ADAMTS18: variants seen among roughly 807,000 people sequenced by gnomAD.
The protein encoded by ADAMTS18 is ADAM metallopeptidase with thrombospondin type 1 motif 18, also known as A disintegrin and metalloproteinase with thrombospondin motifs 18.
Under a neutral mutation model 165.9 loss-of-function variants are expected in ADAMTS18, and 157 were observed. That is an observed-to-expected ratio of 0.95 (90% CI 0.83 to 1.08). The LOEUF (loss-of-function observed/expected upper bound fraction) is 1.08. Ranked by LOEUF, ADAMTS18 falls within the 50% of genes least tolerant of loss-of-function variation. The pLI is 0.00. For synonymous variants in ADAMTS18, 782 were observed against 578.2 expected, an observed-to-expected ratio of 1.35 and a Z score of -5.06; for missense variants, 2,040 against 1,534.0, an observed-to-expected ratio of 1.33 and a Z score of -5.51.
intron 16 of ADAMTS18, among the ~76,000 whole-genome samples, chr16:77,305,810 A>G (rs1451637593): frequency 1.3e-5 from 2 of 152,208 alleles, no homozygotes; most frequent in Non-Finnish European, 2.9e-5. Context: ...AACCCTGGAG[A>G]GGTGTGCATA....
intron 22 of ADAMTS18, among the ~76,000 whole-genome samples, chr16:77,285,647 C>T (rs1223966455): frequency 6.6e-6 from 1 of 152,208 alleles, no homozygotes; most frequent in Admixed American, 6.5e-5. Flanking sequence ...AGATGTATTA[C>T]TATTCTGTCA....
intron 3 of ADAMTS18, among the ~76,000 whole-genome samples, chr16:77,407,176 A>T (rs1301281435): frequency 6.6e-6 from 1 of 152,114 alleles, no homozygotes; most frequent in African/African-American, 2.4e-5. Flanking sequence ...TATATACAAA[A>T]ATCAACTTTA....
At chr16:77,300,048 T>G (rs2055551034) in intron 17 of ADAMTS18, 1 of 541,856 alleles carries the variant, frequency 1.8e-6, no homozygotes, top group Non-Finnish European at 3.3e-6. Flanking sequence ...TTTTGAGCCT[T>G]GGTTGTGGTT....
chr16:77,400,485 GTTTTT>G (rs71137813), intron 3 of ADAMTS18, among the ~76,000 whole-genome samples: 5 of 114,666 alleles, frequency 4.4e-5, no homozygotes, highest in African/African-American at 1.6e-4. Flanking sequence ...TGTGTGTTTT[GTTTTT>G]TTTTTTTTTG....
Position 77,300,355 on chromosome 16 carries a change from G to C in ADAMTS18, c.2582C>G (p.Pro861Arg). The C allele has an allele frequency of 6.2e-7, 1 of 1,613,988 alleles. No individual in the cohort carries two copies. The highest frequency in any genetic ancestry group is 8.5e-7 in the Non-Finnish European group (1 of 1,179,960). ...TGGTGGAGTTCCATTCATGACCTTG[G>C]GAAGTGCATACTTCCAAGCTATCCC... ...NPGIAWKYAL[P>R]KVMNGTPPAT... The change falls in exon 17 of 23, where the codon CCC (proline) becomes CGC (arginine). Residue 861 changes from proline (P) to arginine (R), a missense_variant. Coordinates refer to ENST00000282849, the MANE Select transcript of ADAMTS18 (RefSeq NM_199355.4).
At chr16:77,388,173 C>G in intron 3 of ADAMTS18, among the ~76,000 whole-genome samples, 1 of 152,202 alleles carries the variant, frequency 6.6e-6, no homozygotes, top group East Asian at 1.9e-4. Flanking sequence ...CATCTCAGCT[C>G]ACTGCAACCT....
At chr16:77,354,405 A>G (rs563063655) in intron 9 of ADAMTS18, among the ~76,000 whole-genome samples, 8 of 152,184 alleles carry the variant, frequency 5.3e-5, no homozygotes, top group Non-Finnish European at 1.2e-4. Flanking sequence ...TAACATTCCT[A>G]AAGAATCAAG....
In ADAMTS18 at chr16:77,318,768, A is replaced by T. The variant is rs551659699; in HGVS notation, c.2532+1081T>A. ...AAGTCTTTTAATCTTTTTTTTTCAC[A>T]CTTGATTCCTTATTTTTCTGGTTAG... is the stretch of plus-strand genomic sequence containing the variant. On this transcript the variant is annotated intron_variant, in intron 16 of 22. Coordinates refer to ENST00000282849, the MANE Select transcript of ADAMTS18 (RefSeq NM_199355.4). 1.4e-4 allele frequency among the ~76,000 whole-genome samples: 21 copies of T among 151,544 alleles called. No individual in the cohort carries two copies. In the South Asian group the frequency reaches 4.2e-3, roughly 30 times the overall value.
At chr16:77,306,308 G>C (rs1217706943) in intron 16 of ADAMTS18, among the ~76,000 whole-genome samples, 1 of 152,114 alleles carries the variant, frequency 6.6e-6, no homozygotes, top group Admixed American at 6.5e-5. Flanking sequence ...CTAACCGCAG[G>C]GTGCAGAGTT....
intron 16 of ADAMTS18, among the ~76,000 whole-genome samples, chr16:77,312,178 G>C (rs184454047): frequency 6.6e-6 from 1 of 151,914 alleles, no homozygotes; most frequent in Non-Finnish European, 1.5e-5. Flanking sequence ...GGATCAATTC[G>C]AGAGAACTCT....
chr16:77,432,776 A>G (rs1054522724), intron 2 of ADAMTS18, among the ~76,000 whole-genome samples: 7 of 151,976 alleles, frequency 4.6e-5, no homozygotes, highest in Admixed American at 3.3e-4. Context: ...CCAATAAAAA[A>G]AAAAAAACTA....
chr16:77,353,590 A>C, intron 10 of ADAMTS18, 143 bp downstream of exon 10: 1 of 1,143,452 alleles, frequency 8.7e-7, no homozygotes, highest in Non-Finnish European at 1.3e-6. Flanking sequence ...TTGCCACTTA[A>C]TTATCATGCC....
At chr16:77,418,711 C>A (rs947362363) in intron 3 of ADAMTS18, among the ~76,000 whole-genome samples, 2 of 152,160 alleles carry the variant, frequency 1.3e-5, no homozygotes, top group African/African-American at 2.4e-5. Flanking sequence ...TCTTACAAGT[C>A]ATTGACAGGA....
At chr16:77,364,898 G>T (rs1013482044) in intron 4 of ADAMTS18, among the ~76,000 whole-genome samples, 1 of 151,996 alleles carries the variant, frequency 6.6e-6, no homozygotes, top group African/African-American at 2.4e-5. Context: ...TTGAGGTCAG[G>T]AGTTTGACAC....
At chr16:77,375,335 TCGCACCACCGCACTC>T (rs1035751014) in intron 3 of ADAMTS18, among the ~76,000 whole-genome samples, 5 of 151,550 alleles carry the variant, frequency 3.3e-5, no homozygotes, top group Non-Finnish European at 5.9e-5. Flanking sequence ...ATACAAAAAA[TCGCACCACCGCACTC>T]CGGCCTGGGT....
intron 18 of ADAMTS18, among the ~76,000 whole-genome samples, chr16:77,296,864 G>C (rs1035815741): frequency 6.6e-6 from 1 of 152,204 alleles, no homozygotes; most frequent in African/African-American, 2.4e-5. Flanking sequence ...TCCCAAGCAA[G>C]CTTGCTTTTA....
chr16:77,375,257 G>A (rs530796424), intron 3 of ADAMTS18, among the ~76,000 whole-genome samples: 1 of 152,224 alleles, frequency 6.6e-6, no homozygotes, highest in South Asian at 2.1e-4. Context: ...CCTGACCTCA[G>A]GGGATCCGCC....
At position 77,364,320 on chromosome 16, in the gene ADAMTS18, C is replaced by A; in HGVS notation, c.840G>T (p.Gly280=). 1 of 1,613,844 alleles carries A rather than the reference C, an allele frequency of 6.2e-7. No individual in the cohort carries two copies. Among genetic ancestry groups the A allele is most frequent in the African/African-American group, 1.3e-5 (1 of 74,930 alleles). The change falls in exon 5 of 23, where the codon GGG becomes GGT. Residue 280 remains glycine, a synonymous_variant. Transcript: ENST00000282849. ...YLRFDEYGSS[G]RPRRSAGKSQ... The stretch of plus-strand genomic sequence containing the variant: ...ATTTTCCAGCTGATCTTCTGGGTCG[C>A]CCAGAGCTCCCATATTCATCAAACC...
intron 15 of ADAMTS18, 78 bp from the exon 16 acceptor site, chr16:77,320,171 A>C: frequency 5.1e-6 from 8 of 1,562,534 alleles, no homozygotes; most frequent in Non-Finnish European, 7.0e-6. Flanking sequence ...CCCGACATGT[A>C]GTGTTCAGTT....
Sources: allele counts gnomAD v4.1 joint callset (sites outside exome capture counted in the v4.1 genomes callset), GRCh38; gene constraint gnomAD v4.1.1; transcripts MANE v1.5; gene names NCBI Gene and HGNC (gene_info 2026-07-23, HGNC 2026-07-21).